PXDNL: variants seen among roughly 807,000 people sequenced by gnomAD.
The protein encoded by PXDNL is peroxidasin like, also known as probable oxidoreductase PXDNL.
Under a neutral mutation model 150.8 loss-of-function variants are expected in PXDNL, and 145 were observed. That is an observed-to-expected ratio of 0.96 (90% CI 0.84 to 1.10). The LOEUF is 1.10. Among genes scored for constraint, PXDNL ranks in the 50% least tolerant of loss-of-function variants. The pLI is 0.00. For missense variants in PXDNL, 2,087 were observed against 1,873.9 expected (o/e 1.11, Z -2.10); for synonymous variants, 757 against 725.7 (o/e 1.04, Z -0.69).
At chr8:51,608,061 GC>G (rs1813896554) in intron 2 of PXDNL, among the ~76,000 whole-genome samples, 6 of 116,298 alleles carry the variant, frequency 5.2e-5, no homozygotes, top group Admixed American at 3.2e-4. Context: ...AAGAAAGCAA[GC>G]AAGCAAGCAA....
chr8:51,547,157 A>G (rs1812378629), intron 4 of PXDNL, among the ~76,000 whole-genome samples: 1 of 152,154 alleles, frequency 6.6e-6, no homozygotes, highest in Admixed American at 6.5e-5. Context: ...TGACCAATGT[A>G]GGGCAAACCC....
At chr8:51,554,384 G>A (rs1812558640) in intron 4 of PXDNL, among the ~76,000 whole-genome samples, 1 of 152,148 alleles carries the variant, frequency 6.6e-6, no homozygotes, top group Non-Finnish European at 1.5e-5. Context: ...CTTGATGAAT[G>A]GCACCTGGCT....
Position 51,408,731 on chromosome 8 carries a change from G to T in PXDNL, c.2893C>A (p.Leu965Met). Residue 965 changes from leucine (L) to methionine (M), a missense_variant, in exon 17 of 23, where the codon CTG becomes ATG. Leu to Met is a conservative substitution (Grantham distance 15). Transcript: ENST00000356297. ...LAGDHRANEH[L>M]ALAAMHTLWF... ...AGGGTGTGCATGGCGGCCAGAGCCA[G>T]ATGCTCGTTGGCCCGGTGGTCCCCG... 1 of 1,590,344 alleles carries T rather than the reference G, an allele frequency of 6.3e-7. No individual in the cohort carries two copies. Among genetic ancestry groups the T allele is most frequent in the Non-Finnish European group, 8.6e-7 (1 of 1,168,262 alleles).
intron 3 of PXDNL, among the ~76,000 whole-genome samples, chr8:51,569,441 A>G (rs1812884994): frequency 6.6e-6 from 1 of 151,950 alleles, no homozygotes; most frequent in African/African-American, 2.4e-5. Flanking sequence ...TGTTCTTTCA[A>G]AAATGTTATG....
intron 2 of PXDNL, among the ~76,000 whole-genome samples, chr8:51,641,002 C>G (rs1156851127): frequency 2.0e-5 from 3 of 152,092 alleles, no homozygotes; most frequent in African/African-American, 7.2e-5. Context: ...GGTACCAAAA[C>G]AGAGATATAG....
chr8:51,754,418 C>T (rs979778187), intron 1 of PXDNL, among the ~76,000 whole-genome samples: 1 of 152,128 alleles, frequency 6.6e-6, no homozygotes, highest in Non-Finnish European at 1.5e-5. Context: ...TGCCCAAGGG[C>T]AGGGGAAAAG....
intron 9 of PXDNL, among the ~76,000 whole-genome samples, chr8:51,455,231 TGCATG>T (rs1809913912): frequency 6.6e-6 from 1 of 151,696 alleles, no homozygotes; most frequent in African/African-American, 2.4e-5. Context: ...GATAATCTGA[TGCATG>T]CATGGAACTA....
intron 8 of PXDNL, among the ~76,000 whole-genome samples, chr8:51,460,010 G>A (rs765317344): frequency 2.6e-5 from 4 of 152,084 alleles, no homozygotes; most frequent in Non-Finnish European, 5.9e-5. Flanking sequence ...CACTATGGGA[G>A]GCTGAGGTGG....
chr8:51,474,501 T>C (rs1810427377), intron 7 of PXDNL, among the ~76,000 whole-genome samples: 2 of 152,332 alleles, frequency 1.3e-5, no homozygotes, highest in South Asian at 4.1e-4. Flanking sequence ...TTTTCATTAT[T>C]TTAGTCGTAT....
At chr8:51,385,824 TTCACTTGGC>T (rs1807691822) in intron 17 of PXDNL, among the ~76,000 whole-genome samples, 2 of 152,182 alleles carry the variant, frequency 1.3e-5, no homozygotes, top group Admixed American at 6.5e-5. Flanking sequence ...GGTTTCTCCT[TTCACTTGGC>T]TCTCATTCTC....
intron 12 of PXDNL, among the ~76,000 whole-genome samples, chr8:51,431,410 T>A (rs1586101209): frequency 6.6e-6 from 1 of 152,312 alleles, no homozygotes; most frequent in Non-Finnish European, 1.5e-5. Flanking sequence ...GGCACTTCTA[T>A]ACCCTTTATT....
chr8:51,700,703 GAC>G (rs1301619742), intron 1 of PXDNL, among the ~76,000 whole-genome samples: 1 of 149,796 alleles, frequency 6.7e-6, no homozygotes, highest in East Asian at 2.0e-4. Flanking sequence ...CATACACACA[GAC>G]ACACATAGAC....
At chr8:51,541,221 G>A (rs570313659) in intron 4 of PXDNL, among the ~76,000 whole-genome samples, 7 of 146,050 alleles carry the variant, frequency 4.8e-5, no homozygotes, top group Admixed American at 2.8e-4. Flanking sequence ...TGGCACCGCT[G>A]CACTCCGGCC....
intron 1 of PXDNL, among the ~76,000 whole-genome samples, chr8:51,667,639 A>G (rs1815412401): frequency 6.6e-6 from 1 of 152,206 alleles, no homozygotes; most frequent in African/African-American, 2.4e-5. Context: ...CAACCTCACT[A>G]CACTATAGAA....
At chr8:51,394,815 G>A (rs1469052514) in intron 17 of PXDNL, among the ~76,000 whole-genome samples, 1 of 152,130 alleles carries the variant, frequency 6.6e-6, no homozygotes, top group Non-Finnish European at 1.5e-5. Flanking sequence ...TGGTCCTGTG[G>A]CCACATAGGC....
At chr8:51,755,527 G>A (rs984858830) in intron 1 of PXDNL, among the ~76,000 whole-genome samples, 1 of 152,004 alleles carries the variant, frequency 6.6e-6, no homozygotes, top group African/African-American at 2.4e-5. Context: ...CCTGACCTCA[G>A]GTGACCCACC....
chr8:51,549,357 G>A (rs1025943376), intron 4 of PXDNL, among the ~76,000 whole-genome samples: 5 of 152,018 alleles, frequency 3.3e-5, no homozygotes, highest in South Asian at 2.1e-4. Flanking sequence ...AGCATTCTAC[G>A]CAATAACTGA....
intron 2 of PXDNL, among the ~76,000 whole-genome samples, chr8:51,602,586 T>C (rs904416799): frequency 6.6e-6 from 1 of 151,910 alleles, no homozygotes; most frequent in Non-Finnish European, 1.5e-5. Context: ...AAATGTTATT[T>C]GAAACAAATG....
chr8:51,639,311 C>T (rs1324823294), intron 2 of PXDNL, among the ~76,000 whole-genome samples: 2 of 152,144 alleles, frequency 1.3e-5, no homozygotes, highest in Non-Finnish European at 2.9e-5. Flanking sequence ...CACGAGCAAA[C>T]ACATTCAAAA....
Sources: allele counts gnomAD v4.1 joint callset (sites outside exome capture counted in the v4.1 genomes callset), GRCh38; gene constraint gnomAD v4.1.1; transcripts MANE v1.5; gene names NCBI Gene and HGNC (gene_info 2026-07-23, HGNC 2026-07-21).